RPH3AL: variants seen among roughly 807,000 people sequenced by gnomAD.
RPH3AL encodes the protein rab effector Noc2.
A neutral mutation model predicts 43.1 loss-of-function variants in RPH3AL; 38 were observed. The observed-to-expected ratio is 0.88, with a 90% CI of 0.68 to 1.15. RPH3AL has a LOEUF of 1.15. Among genes scored for constraint, RPH3AL ranks in the 50% most tolerant of loss-of-function variants. RPH3AL has a pLI of 0.00. For synonymous variants in RPH3AL, 189 were observed against 176.3 expected, an observed-to-expected ratio of 1.07 and a Z score of -0.57; for missense variants, 462 against 423.2, an observed-to-expected ratio of 1.09 and a Z score of -0.81.
At chr17:273,041 G>GACGTCAGGGAGAGACCCCAGCGAGGGCT (rs2042539730) in intron 6 of RPH3AL, among the ~76,000 whole-genome samples, 1 of 101,588 alleles carries the variant, frequency 9.8e-6, no homozygotes, top group Non-Finnish European at 2.2e-5. Flanking sequence ...CAGCGAGGGC[G>GACGTCAGGGAGAGACCCCAGCGAGGGCT]ACGTCAGGGA....
intron 6 of RPH3AL, among the ~76,000 whole-genome samples, chr17:265,757 G>A (rs1393111913): frequency 3.3e-5 from 5 of 152,224 alleles, no homozygotes; most frequent in Non-Finnish European, 5.9e-5. Context: ...TAAGCATCTC[G>A]TGTACAGTTC....
chr17:277,289 TG>T (rs2042676906), intron 6 of RPH3AL, among the ~76,000 whole-genome samples: 1 of 152,146 alleles, frequency 6.6e-6, no homozygotes, highest in African/African-American at 2.4e-5. Flanking sequence ...CACAGAAAAA[TG>T]GTTGGAATAT....
rs1298940925 is a variant in RPH3AL at position 322,195 on chromosome 17, C to CT, written c.78-781dup. ...GTCTCTGCTCCACTGGGCTGCGGGA[C>CT]TGACGCCTCCTGAGGCTGCAAATGG... is the stretch of plus-strand genomic sequence containing the variant. On this transcript the variant is annotated intron_variant, in intron 3 of 9. Coordinates refer to ENST00000331302, the MANE Select transcript of RPH3AL (RefSeq NM_006987.4). The surrounding 1 kb of genome is among the most constrained non-coding windows in gnomAD (Gnocchi z 4.0). The CT allele has an allele frequency of 5.9e-5, 9 of 152,286 alleles. No homozygotes were observed. The highest frequency in any genetic ancestry group is 2.2e-4 in the African/African-American group (9 of 41,456). 9.4% of individuals were successfully genotyped at this position (152,286 alleles called of 1,614,324 possible). A position where few individuals can be genotyped will look rare whatever the true frequency, so the allele number is the denominator to read the frequency against.
chr17:304,274 C>T (rs2043406429), intron 5 of RPH3AL, among the ~76,000 whole-genome samples: 1 of 151,934 alleles, frequency 6.6e-6, no homozygotes, highest in South Asian at 2.1e-4. Flanking sequence ...ATCCTTGCAA[C>T]CGCCCCCGAG....
intron 5 of RPH3AL, among the ~76,000 whole-genome samples, chr17:295,308 G>A (rs562132899): frequency 6.7e-6 from 1 of 149,492 alleles, no homozygotes; most frequent in Non-Finnish European, 1.5e-5. Context: ...GACGGGCAGA[G>A]GGAATGCACA....
At chr17:314,231 C>A (rs1185058623) in intron 5 of RPH3AL, among the ~76,000 whole-genome samples, 1 of 152,190 alleles carries the variant, frequency 6.6e-6, no homozygotes, top group African/African-American at 2.4e-5. Flanking sequence ...TCCCCTATAG[C>A]TGGAATATTT....
rs553703530 is a variant in RPH3AL, at chr17:290,181, G to A, written c.352-8327C>T. Among the ~76,000 whole-genome samples the A allele has an allele frequency of 1.1e-4, 16 of 152,362 alleles. No individual in the cohort carries two copies. The South Asian group carries it at 2.1e-3, about 20-fold the overall frequency. On this transcript the variant is annotated intron_variant, in intron 5 of 9. Transcript: ENST00000331302. The surrounding 1 kb of genome is among the most constrained non-coding windows in gnomAD (Gnocchi z 4.2). Reference sequence around the variant, plus strand: ...GCTGCACGGAGGCGTGAAGGCACTCGCTCAGCGACACGAGGCAGGGTCCAA... The same window carrying A: ...GCTGCACGGAGGCGTGAAGGCACTCACTCAGCGACACGAGGCAGGGTCCAA...
chr17:276,318 G>A (rs963409592), intron 6 of RPH3AL, among the ~76,000 whole-genome samples: 1 of 152,174 alleles, frequency 6.6e-6, no homozygotes, highest in African/African-American at 2.4e-5. Flanking sequence ...AAATTTGCTT[G>A]TACTTTTCTC....
chr17:321,258 C>T lies in RPH3AL; in HGVS notation c.221+14G>A, dbSNP rs201712324. On this transcript the variant is annotated intron_variant, in intron 4 of 9. Coordinates refer to ENST00000331302, the MANE Select transcript of RPH3AL (RefSeq NM_006987.4). ...TGCTGTCCTCCCACTGAGCTGGCCCCGGCCCCGCCTCACCCGATTCTCTGC... is the reference window on the plus strand; with the variant it reads ...TGCTGTCCTCCCACTGAGCTGGCCCTGGCCCCGCCTCACCCGATTCTCTGC... The T allele has an allele frequency of 2.1e-4, 342 of 1,601,612 alleles. 2 individuals carry two copies. The highest frequency in any genetic ancestry group is 1.4e-3 in the Admixed American group (84 of 59,848).
intron 2 of RPH3AL, among the ~76,000 whole-genome samples, chr17:329,526 G>A (rs954319196): frequency 7.9e-5 from 12 of 152,142 alleles, no homozygotes; most frequent in African/African-American, 2.7e-4. Flanking sequence ...AAATACATGG[G>A]CTATGACCAT....
At chr17:262,604 C>T (rs573995119) in intron 6 of RPH3AL, among the ~76,000 whole-genome samples, 33 of 152,156 alleles carry the variant, frequency 2.2e-4, no homozygotes, top group Non-Finnish European at 1.5e-4. Context: ...GTGGGAGGAT[C>T]GCTTGAGGCC....
At chr17:325,569 A>G (rs1296862477) in intron 3 of RPH3AL, among the ~76,000 whole-genome samples, 1 of 152,134 alleles carries the variant, frequency 6.6e-6, no homozygotes, top group Non-Finnish European at 1.5e-5. Context: ...GTCCCAGTGT[A>G]GGCAGCACAC....
In RPH3AL at chr17:283,280, CG is replaced by C. The variant is rs1567612561; in HGVS notation, c.352-1427del. Among the ~76,000 whole-genome samples, 1 of 152,126 alleles carries C rather than the reference CG, an allele frequency of 6.6e-6. No homozygotes were observed. The highest frequency in any genetic ancestry group is 2.4e-5 in the African/African-American group (1 of 41,414). On this transcript the variant is annotated intron_variant, in intron 5 of 9. Transcript: ENST00000331302. The surrounding 1 kb of genome is among the most constrained non-coding windows in gnomAD (Gnocchi z 4.2). ...GAAAATGTCACCAACTTGGCTTCCA[CG>C]TCGAGCGTGTCGAGCGTGTGGAGGT...
intron 1 of RPH3AL, among the ~76,000 whole-genome samples, chr17:347,865 A>T (rs900014692): frequency 1.3e-4 from 19 of 143,184 alleles, no homozygotes; most frequent in East Asian, 5.8e-4. Flanking sequence ...ATTCAGTGAT[A>T]AAAAAAATGA....
intron 7 of RPH3AL, among the ~76,000 whole-genome samples, chr17:222,432 C>G (rs115605125): frequency 6.6e-6 from 1 of 152,086 alleles, no homozygotes; most frequent in Non-Finnish European, 1.5e-5. Context: ...CTCACAAATG[C>G]GGAAGGGAAC....
At position 350,055 on chromosome 17, in the gene RPH3AL, T is replaced by C. The variant is rs192239879; in HGVS notation, c.-213+2657A>G. 2.8e-3 allele frequency among the ~76,000 whole-genome samples: 428 copies of C among 152,282 alleles called. 6 individuals are homozygous for C. The highest frequency in any genetic ancestry group is 9.1e-3 in the East Asian group (47 of 5,176). ...CCCTTTCAGAGGTGTAGGTTTGCAA[T>C]TGGACTCTACAGCTAACCAGCGGTT... On this transcript the variant is annotated intron_variant, in intron 1 of 9. Transcript: ENST00000331302.
intron 5 of RPH3AL, among the ~76,000 whole-genome samples, chr17:310,139 G>C (rs895098390): frequency 2.0e-5 from 3 of 152,112 alleles, no homozygotes; most frequent in Admixed American, 6.5e-5. Context: ...CCCATGGCTA[G>C]CTGGACTCTC....
chr17:325,761 C>G (rs1259205403), intron 3 of RPH3AL, among the ~76,000 whole-genome samples: 1 of 152,170 alleles, frequency 6.6e-6, no homozygotes, highest in East Asian at 1.9e-4. Context: ...GTGCCTGGCA[C>G]ATAGTAGGGG....
intron 6 of RPH3AL, among the ~76,000 whole-genome samples, chr17:270,643 A>G: frequency 6.6e-6 from 1 of 151,872 alleles, no homozygotes. Flanking sequence ...TGAGCTCAGG[A>G]GTTTGAGGCC....
Sources: allele counts gnomAD v4.1 joint callset (sites outside exome capture counted in the v4.1 genomes callset), GRCh38; gene constraint gnomAD v4.1.1; non-coding constraint Gnocchi (gnomAD v3.1); transcripts MANE v1.5; gene names NCBI Gene and HGNC (gene_info 2026-07-23, HGNC 2026-07-21).